ARHGAP39: variants seen among roughly 807,000 people sequenced by gnomAD.
ARHGAP39 encodes rho GTPase-activating protein 39.
Under a neutral mutation model 106.9 loss-of-function variants are expected in ARHGAP39, and 44 were observed. That is an observed-to-expected ratio of 0.41 (90% CI 0.32 to 0.53). The LOEUF (loss-of-function observed/expected upper bound fraction) is 0.53. Ranked by LOEUF, ARHGAP39 falls within the 20% of genes least tolerant of loss-of-function variation. The pLI, the probability that ARHGAP39 is intolerant of heterozygous loss-of-function variation, is 0.21. For synonymous variants in ARHGAP39, 768 were observed against 693.2 expected (o/e 1.11, Z -1.69); for missense variants, 1,496 against 1,577.3 (o/e 0.95, Z 0.87).
intron 3 of ARHGAP39, among the ~76,000 whole-genome samples, chr8:144,573,415 T>C (rs1235607217): frequency 2.0e-5 from 3 of 146,862 alleles, no homozygotes; most frequent in South Asian, 4.3e-4. Context: ...ATGAGAACAC[T>C]TGGACACAGG....
chr8:144,607,047 G>A (rs1586609885), intron 1 of ARHGAP39, among the ~76,000 whole-genome samples: 2 of 147,378 alleles, frequency 1.4e-5, no homozygotes, highest in Admixed American at 1.4e-4. Context: ...TTGCTACAGA[G>A]AACATGTGTA....
At chr8:144,667,371 G>A (rs1450528402) in intron 1 of ARHGAP39, among the ~76,000 whole-genome samples, 2 of 152,180 alleles carry the variant, frequency 1.3e-5, no homozygotes, top group Non-Finnish European at 2.9e-5. Flanking sequence ...CTTTGTGACT[G>A]AGGCCCACCT....
Position 144,643,620 on chromosome 8 carries a change from T to C in ARHGAP39, c.-81-37925A>G, listed in dbSNP as rs146085953. On this transcript the variant is annotated intron_variant, in intron 1 of 11. Coordinates refer to ENST00000377307, the MANE Select transcript of ARHGAP39 (RefSeq NM_025251.3). Reference sequence around the variant, plus strand: ...TGGGACCTCAACTCTGATACTCTGGTCTATGCCTCCACTCGACTGAAATCT... The same window carrying C: ...TGGGACCTCAACTCTGATACTCTGGCCTATGCCTCCACTCGACTGAAATCT... Among the ~76,000 whole-genome samples the C allele has an allele frequency of 3.3e-5, 5 of 152,246 alleles. No individual in the cohort carries two copies. The East Asian group carries it at 9.7e-4, about 29-fold the overall frequency.
chr8:144,602,812 G>A (rs1263933631), intron 2 of ARHGAP39, among the ~76,000 whole-genome samples: 15 of 134,538 alleles, frequency 1.1e-4, no homozygotes, highest in Admixed American at 2.4e-4. Context: ...GCATGGAGGC[G>A]TGTGTGCTCG....
chr8:144,564,333 C>T (rs543845928), intron 3 of ARHGAP39, among the ~76,000 whole-genome samples: 20 of 152,330 alleles, frequency 1.3e-4, no homozygotes, highest in African/African-American at 4.6e-4. Context: ...AATGCTCTTC[C>T]GTCTCGGGAC....
Position 144,646,367 on chromosome 8 carries a change from G to C in ARHGAP39, c.-82+39319C>G, listed in dbSNP as rs556216191. Among the ~76,000 whole-genome samples, 1 of 152,262 alleles carries C rather than the reference G, an allele frequency of 6.6e-6. No homozygotes were observed. The highest frequency in any genetic ancestry group is 6.5e-5 in the Admixed American group (1 of 15,282). ...CAGGAACAGAGAGCGGGAGGGGAGG[G>C]AGTGAAACTTCGTAGCACATGCCTT... On this transcript the variant is annotated intron_variant, in intron 1 of 11. Transcript: ENST00000377307. This position sits in a 1 kb window ranked among gnomAD's most constrained non-coding sequence, Gnocchi z 5.7.
intron 5 of ARHGAP39, among the ~76,000 whole-genome samples, chr8:144,546,440 C>G (rs533680282): frequency 1.3e-5 from 2 of 152,198 alleles, no homozygotes; most frequent in African/African-American, 2.4e-5. Context: ...CCCAGGCCCT[C>G]GAGGTCTCCC....
At chr8:144,676,488 C>G (rs1822243668) in intron 1 of ARHGAP39, among the ~76,000 whole-genome samples, 1 of 151,668 alleles carries the variant, frequency 6.6e-6, no homozygotes, top group Admixed American at 6.6e-5. Context: ...GTTTACAAAC[C>G]TTGAGCTAGA....
rs1417049447 is a variant in ARHGAP39, at chr8:144,529,673, AG to A, written c.*748del. 1.3e-5 allele frequency: 2 copies of A among 152,160 alleles called. No homozygotes were observed. The allele number at this position is 152,160 out of a possible 1,614,324, so 9.4% of individuals were successfully genotyped here. A position where few individuals can be genotyped will look rare whatever the true frequency, so the allele number is the denominator to read the frequency against. On this transcript the variant is annotated 3_prime_UTR_variant, in exon 12 of 12. Coordinates refer to ENST00000377307, the MANE Select transcript of ARHGAP39 (RefSeq NM_025251.3). ...TTAAAACTATGTCATTAGCAAATTT[AG>A]TTCTTATATCTTTCCCTCTATTTAT...
At chr8:144,643,635 G>A (rs564069150) in intron 1 of ARHGAP39, among the ~76,000 whole-genome samples, 27 of 152,102 alleles carry the variant, frequency 1.8e-4, no homozygotes, top group African/African-American at 6.0e-4. Context: ...GCCTCCACTC[G>A]ACTGAAATCT....
chr8:144,560,966 CTG>C (rs774544249), intron 3 of ARHGAP39, among the ~76,000 whole-genome samples: 2 of 152,256 alleles, frequency 1.3e-5, no homozygotes, highest in Non-Finnish European at 2.9e-5. Context: ...GCAAGGAAAA[CTG>C]TTCACTGATG....
chr8:144,556,100 A>G (rs970328790), intron 3 of ARHGAP39, among the ~76,000 whole-genome samples: 4 of 152,118 alleles, frequency 2.6e-5, no homozygotes, highest in African/African-American at 9.7e-5. Flanking sequence ...CCTGGCTAAC[A>G]TGGTGAAACC....
At chr8:144,642,188 C>G (rs1821328758) in intron 1 of ARHGAP39, among the ~76,000 whole-genome samples, 1 of 152,096 alleles carries the variant, frequency 6.6e-6, no homozygotes, top group Non-Finnish European at 1.5e-5. Flanking sequence ...TCAAAACAAA[C>G]AAAGATAAAA....
chr8:144,695,461 G>C, the ARHGAP39 span, among the ~76,000 whole-genome samples: 1 of 149,338 alleles, frequency 6.7e-6, no homozygotes, highest in African/African-American at 2.5e-5. Context: ...CCCAGGGACT[G>C]TCTCTTCTAG....
intron 1 of ARHGAP39, among the ~76,000 whole-genome samples, chr8:144,615,863 G>A (rs937193087): frequency 1.3e-5 from 2 of 152,214 alleles, no homozygotes; most frequent in African/African-American, 2.4e-5. Flanking sequence ...AGGCACGTCC[G>A]GCATTTGCCG....
At chr8:144,598,296 C>T (rs1819706404) in intron 2 of ARHGAP39, among the ~76,000 whole-genome samples, 1 of 152,202 alleles carries the variant, frequency 6.6e-6, no homozygotes. Flanking sequence ...CGGAACCCAG[C>T]CGTGGGCTTT....
chr8:144,691,175 G>A, the ARHGAP39 span, among the ~76,000 whole-genome samples: 11 of 152,194 alleles, frequency 7.2e-5, no homozygotes, highest in Admixed American at 7.2e-4. Flanking sequence ...TAGTGACTGT[G>A]TCTGGGGAAA....
At chr8:144,612,826 C>T (rs906254065) in intron 1 of ARHGAP39, among the ~76,000 whole-genome samples, 3 of 151,806 alleles carry the variant, frequency 2.0e-5, no homozygotes, top group South Asian at 2.1e-4. Context: ...GCACTCCAGC[C>T]GGGGCAACAG....
chr8:144,601,372 C>T (rs1312433630), intron 2 of ARHGAP39, among the ~76,000 whole-genome samples: 4 of 102,622 alleles, frequency 3.9e-5, no homozygotes, highest in Non-Finnish European at 7.8e-5. Flanking sequence ...GCTCATGTAC[C>T]TGTGTGTGCG....
Sources: allele counts gnomAD v4.1 joint callset (sites outside exome capture counted in the v4.1 genomes callset), GRCh38; gene constraint gnomAD v4.1.1; non-coding constraint Gnocchi (gnomAD v3.1); transcripts MANE v1.5; gene names NCBI Gene and HGNC (gene_info 2026-07-23, HGNC 2026-07-21).